Variants in TGS1 observed in about 807,000 individuals in gnomAD.
TGS1 encodes trimethylguanosine synthase 1, also known as trimethylguanosine synthase.
Under a neutral mutation model 92.2 loss-of-function variants are expected in TGS1, and 69 were observed. The observed-to-expected ratio is 0.75, with a 90% CI of 0.62 to 0.91. TGS1 has a LOEUF of 0.91. Ranked by LOEUF, TGS1 falls within the 40% of genes least tolerant of loss-of-function variation. The pLI, the probability that TGS1 is intolerant of heterozygous loss-of-function variation, is 0.00. For synonymous variants in TGS1, 345 were observed against 338.1 expected, an observed-to-expected ratio of 1.02 and a Z score of -0.22; for missense variants, 1,062 against 1,001.2, an observed-to-expected ratio of 1.06 and a Z score of -0.82.
intron 11 of TGS1, 110 bp from the exon 12 acceptor site, chr8:55,812,930 G>T: frequency 1.2e-6 from 1 of 802,576 alleles, no homozygotes; most frequent in Admixed American, 2.5e-5. Context: ...TTAAGTTTTT[G>T]CCTTTTAGTT....
At position 55,773,695 on chromosome 8, in the gene TGS1, G is replaced by GC; in HGVS notation, c.79dup (p.Leu27ProfsTer50). The GC allele has an allele frequency of 6.2e-7, 1 of 1,611,080 alleles. No homozygotes were observed. Among genetic ancestry groups the GC allele is most frequent in the East Asian group, 2.2e-5 (1 of 44,572 alleles). ...GAGCGGGAGGATTGTAAGATACTGT[G>GC]CCTTTGCTCCAGGGCATTTGTGGAG... On this transcript the variant is annotated frameshift_variant, in exon 1 of 13. Coordinates refer to ENST00000260129, the MANE Select transcript of TGS1 (RefSeq NM_024831.8). LOFTEE classifies it high-confidence loss of function.
intron 1 of TGS1, among the ~76,000 whole-genome samples, chr8:55,774,948 A>G (rs1262265367): frequency 6.6e-6 from 1 of 152,236 alleles, no homozygotes; most frequent in Non-Finnish European, 1.5e-5. Context: ...AGCCTGGGAA[A>G]CTGAACAAAA....
At chr8:55,777,057 G>T (rs570542133) in intron 1 of TGS1, among the ~76,000 whole-genome samples, 1 of 151,902 alleles carries the variant, frequency 6.6e-6, no homozygotes, top group African/African-American at 2.4e-5. Context: ...ACCCAGGCTG[G>T]AGTGCAATGG....
At chr8:55,807,339 A>G (rs1390835196) in intron 10 of TGS1, among the ~76,000 whole-genome samples, 1 of 152,122 alleles carries the variant, frequency 6.6e-6, no homozygotes, top group Non-Finnish European at 1.5e-5. Flanking sequence ...TCATCGTCAT[A>G]TAATATTTGT....
Position 55,796,056 on chromosome 8 carries a change from A to G in TGS1, c.1446A>G (p.Leu482=), listed in dbSNP as rs2130168104. 6.2e-7 allele frequency: 1 copy of G among 1,612,598 alleles called. No homozygotes were observed. Among genetic ancestry groups the G allele is most frequent in the Non-Finnish European group, 8.5e-7 (1 of 1,178,756 alleles). The change falls in exon 7 of 13, where the codon CTA becomes CTG. Residue 482 remains leucine (L), a synonymous_variant. Coordinates refer to ENST00000260129, the MANE Select transcript of TGS1 (RefSeq NM_024831.8). ...EKNVKLKSKY[L]DMRRQIKMKN... Reference sequence around the variant, plus strand: ...ATGTGAAGCTTAAGTCTAAGTACCTAGACATGCGCAGACAAATAAAGATGA... The same window carrying G: ...ATGTGAAGCTTAAGTCTAAGTACCTGGACATGCGCAGACAAATAAAGATGA...
At chr8:55,792,963 A>G (rs1236011117) in intron 6 of TGS1, among the ~76,000 whole-genome samples, 179 bp downstream of exon 6, 1 of 152,158 alleles carries the variant, frequency 6.6e-6, no homozygotes, top group Non-Finnish European at 1.5e-5. Flanking sequence ...ATATGCTTTA[A>G]CTCAGTTGCA....
intron 2 of TGS1, among the ~76,000 whole-genome samples, chr8:55,783,233 A>G (rs1182661440): frequency 6.6e-6 from 1 of 152,214 alleles, no homozygotes; most frequent in Non-Finnish European, 1.5e-5. Context: ...AGCCTGGCCA[A>G]CATGGTAAAA....
At chr8:55,810,791 A>G (rs1327369103) in intron 10 of TGS1, 90 bp from the exon 11 acceptor site, 1 of 1,055,178 alleles carries the variant, frequency 9.5e-7, no homozygotes, top group Non-Finnish European at 1.4e-6. Flanking sequence ...GTTCTTATAC[A>G]GAAGATGACA....
rs1057024914 is a variant in TGS1 at position 55,805,046 on chromosome 8, C to T, written c.2143+10C>T. ...TTAACAGGAATGAGAGGTAATTAGC[C>T]ATCAATGGAAGTGAACTATTTTATG... On this transcript the variant is annotated intron_variant, in intron 10 of 12. Coordinates refer to ENST00000260129, the MANE Select transcript of TGS1 (RefSeq NM_024831.8). The T allele has an allele frequency of 3.1e-6, 5 of 1,611,786 alleles. No individual in the cohort carries two copies. Among genetic ancestry groups the T allele is most frequent in the South Asian group, 1.1e-5 (1 of 90,762 alleles).
chr8:55,789,637 A>G (rs1811819390), intron 4 of TGS1, among the ~76,000 whole-genome samples: 1 of 152,228 alleles, frequency 6.6e-6, no homozygotes, highest in Non-Finnish European at 1.5e-5. Flanking sequence ...GCAAAGAACG[A>G]TTCTCGAATC....
At position 55,826,389 on chromosome 8, in the gene TGS1, A is replaced by C. The variant is rs770012523; in HGVS notation, c.*1686A>C. Among the ~76,000 whole-genome samples, 33 of 152,200 alleles carry C rather than the reference A, an allele frequency of 2.2e-4. No homozygotes were observed. The highest frequency in any genetic ancestry group is 4.1e-4 in the Non-Finnish European group (28 of 68,038). On this transcript the variant is annotated 3_prime_UTR_variant, in exon 13 of 13. Transcript: ENST00000260129. ...AGCTAAAACTAAGATATTGCTGCCC[A>C]CTAATCACACAGGGATAAAACTAAT... is the stretch of plus-strand genomic sequence containing the variant.
In TGS1 at chr8:55,796,017, G is replaced by C. The variant is rs1457264364; in HGVS notation, c.1407G>C (p.Arg469Ser). The change falls in exon 7 of 13, where the codon AGG (arginine) becomes AGC (serine). Residue 469 changes from arginine (R) to serine (S), a missense_variant. Coordinates refer to ENST00000260129, the MANE Select transcript of TGS1 (RefSeq NM_024831.8). ...CAAATTTCAGTCATCGGCAGGTCAG[G>C]TATTTAGAGAAGAATGTGAAGCTTA... ...GIPNFSHRQV[R>S]YLEKNVKLKS... is the part of the protein sequence containing the mutation. The C allele has an allele frequency of 6.2e-7, 1 of 1,613,554 alleles. No individual in the cohort carries two copies. The highest frequency in any genetic ancestry group is 1.7e-5 in the Admixed American group (1 of 59,962).
In TGS1 at chr8:55,818,425, T is replaced by C. The variant is rs149740824; in HGVS notation, c.2439+5307T>C. Among the ~76,000 whole-genome samples, 145 of 152,306 alleles carry C rather than the reference T, an allele frequency of 9.5e-4. 1 individual carries two copies. Among genetic ancestry groups the C allele is most frequent in the Non-Finnish European group, 1.6e-3 (109 of 68,010 alleles). The stretch of plus-strand genomic sequence containing the variant: ...CATCCCAAAGTGCTGGGATTACAGG[T>C]GTCAGCCACCACGCCCAGCCTGATT... On this transcript the variant is annotated intron_variant, in intron 12 of 12. Transcript: ENST00000260129.
intron 6 of TGS1, among the ~76,000 whole-genome samples, chr8:55,794,375 C>T (rs1811979508): frequency 6.6e-6 from 1 of 152,164 alleles, no homozygotes; most frequent in South Asian, 2.1e-4. Context: ...CTTCTTATTG[C>T]TGAATAGAAT....
At chr8:55,814,122 A>G (rs1678716772) in intron 12 of TGS1, among the ~76,000 whole-genome samples, 2 of 151,684 alleles carry the variant, frequency 1.3e-5, no homozygotes, top group African/African-American at 4.8e-5. Context: ...TAGTTTTTTT[A>G]TTTTTTATAG....
chr8:55,775,019 G>A (rs1811347363), intron 1 of TGS1, among the ~76,000 whole-genome samples: 1 of 152,224 alleles, frequency 6.6e-6, no homozygotes, highest in East Asian at 1.9e-4. Context: ...GGAGGCCGAG[G>A]AGTGAGGATC....
At position 55,825,231 on chromosome 8, in the gene TGS1, TC is replaced by T. The variant is rs1803760100; in HGVS notation, c.*530del. On this transcript the variant is annotated 3_prime_UTR_variant, in exon 13 of 13. Coordinates refer to ENST00000260129, the MANE Select transcript of TGS1 (RefSeq NM_024831.8). The stretch of plus-strand genomic sequence containing the variant: ...GCTACTGTGCCCAGCCTTACGGACA[TC>T]CTTTTGAATTATCTTTTTCACTCAT... The T allele has an allele frequency of 6.6e-6, 1 of 152,202 alleles. No homozygotes were observed. The highest frequency in any genetic ancestry group is 6.6e-5 in the Admixed American group (1 of 15,260). The allele number at this position is 152,202 out of a possible 1,614,324, so 9.4% of individuals were successfully genotyped here. A position where few individuals can be genotyped will look rare whatever the true frequency, so the allele number is the denominator to read the frequency against.
intron 6 of TGS1, among the ~76,000 whole-genome samples, chr8:55,795,154 T>G (rs1007441437): frequency 4.6e-5 from 7 of 152,232 alleles, no homozygotes; most frequent in Admixed American, 6.5e-5. Context: ...ACATGTAATT[T>G]TATTGAGGAA....
intron 1 of TGS1, among the ~76,000 whole-genome samples, chr8:55,776,231 C>G (rs574134552): frequency 6.6e-6 from 1 of 151,210 alleles, no homozygotes; most frequent in African/African-American, 2.4e-5. Flanking sequence ...GCTGCGTACA[C>G]CACTAATTAG....
Sources: allele counts gnomAD v4.1 joint callset (sites outside exome capture counted in the v4.1 genomes callset), GRCh38; gene constraint gnomAD v4.1.1; transcripts MANE v1.5; gene names NCBI Gene and HGNC (gene_info 2026-07-23, HGNC 2026-07-21).